Variants in LOC122539214 observed in about 807,000 individuals in gnomAD.
At chr19:52,677,306 TAAA>T in the LOC122539214 span, among the ~76,000 whole-genome samples, 187 of 106,450 alleles carry the variant, frequency 1.8e-3, no homozygotes, top group Middle Eastern at 5.6e-3. Flanking sequence ...AATTGAGAAG[TAAA>T]AAAAAAAAAA....
At chr19:52,689,108 ATATGT>A in the LOC122539214 span, among the ~76,000 whole-genome samples, 1 of 152,090 alleles carries the variant, frequency 6.6e-6, no homozygotes, top group Admixed American at 6.6e-5. Flanking sequence ...AGGTCACAAG[ATATGT>A]TATGCTATAG....
At chr19:52,667,843 T>G in the LOC122539214 span, among the ~76,000 whole-genome samples, 1 of 152,190 alleles carries the variant, frequency 6.6e-6, no homozygotes, top group African/African-American at 2.4e-5. Context: ...TTTATTAAAA[T>G]TAAGTTTAAC....
At chr19:52,661,265 A>G in the LOC122539214 span, among the ~76,000 whole-genome samples, 4 of 152,200 alleles carry the variant, frequency 2.6e-5, no homozygotes, top group Non-Finnish European at 5.9e-5. Flanking sequence ...CCACTGCACC[A>G]GAGATCATGC....
the LOC122539214 span, among the ~76,000 whole-genome samples, chr19:52,681,752 G>T: frequency 6.6e-6 from 1 of 152,174 alleles, no homozygotes; most frequent in African/African-American, 2.4e-5. Context: ...ATCTAATGGA[G>T]AGAACATGAA....
the LOC122539214 span, among the ~76,000 whole-genome samples, chr19:52,669,470 G>A: frequency 1.3e-5 from 2 of 152,134 alleles, no homozygotes; most frequent in African/African-American, 4.8e-5. Context: ...AGCAATTAGG[G>A]GCTACCAGCC....
the LOC122539214 span, among the ~76,000 whole-genome samples, chr19:52,681,280 C>CAAAAGAAAAAAA: frequency 1.3e-5 from 1 of 75,440 alleles, no homozygotes; most frequent in Non-Finnish European, 2.5e-5. Context: ...GAGACTTTCT[C>CAAAAGAAAAAAA]AAAAAAAAAA....
At chr19:52,683,328 C>T in the LOC122539214 span, among the ~76,000 whole-genome samples, 5 of 151,824 alleles carry the variant, frequency 3.3e-5, no homozygotes, top group East Asian at 5.8e-4. Context: ...AGAGCATCAT[C>T]GCCACTGGCC....
chr19:52,680,629 T>C, the LOC122539214 span, among the ~76,000 whole-genome samples: 4 of 111,470 alleles, frequency 3.6e-5, no homozygotes, highest in South Asian at 1.1e-3. Flanking sequence ...TTTTTTTTTT[T>C]TGAGACGGAG....
the LOC122539214 span, among the ~76,000 whole-genome samples, chr19:52,663,729 A>C: frequency 1.3e-5 from 2 of 152,246 alleles, no homozygotes; most frequent in Admixed American, 6.5e-5. Flanking sequence ...GAACACAATA[A>C]ATTTCAGAGA....
chr19:52,681,280 CAAAAAAA>C, the LOC122539214 span, among the ~76,000 whole-genome samples: 25 of 75,428 alleles, frequency 3.3e-4, no homozygotes, highest in Admixed American at 5.4e-4. Flanking sequence ...GAGACTTTCT[CAAAAAAA>C]AAAAAAAAAA....
the LOC122539214 span, among the ~76,000 whole-genome samples, chr19:52,656,974 G>A: frequency 6.6e-6 from 1 of 151,704 alleles, no homozygotes; most frequent in Non-Finnish European, 1.5e-5. Flanking sequence ...GACATTATAA[G>A]CAAAGACCTA....
chr19:52,673,402 C>G, the LOC122539214 span, among the ~76,000 whole-genome samples: 1 of 152,052 alleles, frequency 6.6e-6, no homozygotes, highest in Non-Finnish European at 1.5e-5. Context: ...ATTCAGGAGG[C>G]TGTGGCAGGA....
the LOC122539214 span, among the ~76,000 whole-genome samples, chr19:52,675,561 G>A: frequency 3.9e-5 from 6 of 152,074 alleles, no homozygotes; most frequent in Non-Finnish European, 7.4e-5. Context: ...GATGAACAAG[G>A]TCTTGACTTA....
the LOC122539214 span, among the ~76,000 whole-genome samples, chr19:52,672,505 T>C: frequency 1.3e-5 from 2 of 152,218 alleles, no homozygotes; most frequent in Non-Finnish European, 2.9e-5. Flanking sequence ...CCGAGCATGA[T>C]GGGAGGCTGA....
the LOC122539214 span, among the ~76,000 whole-genome samples, chr19:52,670,446 T>G: frequency 6.6e-6 from 1 of 152,186 alleles, no homozygotes; most frequent in Non-Finnish European, 1.5e-5. Flanking sequence ...TTGCTCCCTC[T>G]GTGAGGGCAC....
At chr19:52,661,065 A>G in the LOC122539214 span, among the ~76,000 whole-genome samples, 35,449 of 151,760 alleles carry the variant, frequency 0.23, 4,568 homozygotes, top group Middle Eastern at 0.34. Context: ...GGGTTTCATC[A>G]TGTTGGCCAG....
the LOC122539214 span, among the ~76,000 whole-genome samples, chr19:52,657,243 T>C: frequency 2.2e-3 from 330 of 152,148 alleles, 1 homozygote; most frequent in African/African-American, 6.8e-3. Context: ...ACACAGAAAC[T>C]CTCGGGCTAA....
At chr19:52,661,815 G>A in the LOC122539214 span, among the ~76,000 whole-genome samples, 8 of 152,164 alleles carry the variant, frequency 5.3e-5, no homozygotes, top group African/African-American at 7.2e-5. Flanking sequence ...ATGTCAAATG[G>A]GGCCTGTGGG....
the LOC122539214 span, among the ~76,000 whole-genome samples, chr19:52,661,806 T>A: frequency 2.0e-5 from 3 of 152,110 alleles, no homozygotes; most frequent in African/African-American, 7.2e-5. Flanking sequence ...GGGGCTGCAA[T>A]GTCAAATGGG....
Sources: allele counts gnomAD v4.1 joint callset (sites outside exome capture counted in the v4.1 genomes callset), GRCh38; gene constraint gnomAD v4.1.1; transcripts MANE v1.5.